PDE4B: variants seen among roughly 807,000 people sequenced by gnomAD.
PDE4B encodes 3',5'-cyclic-AMP phosphodiesterase 4B.
In PDE4B, 20 loss-of-function variants were observed where a neutral mutation model predicts 82.2. The observed-to-expected ratio is 0.24, with a 90% CI of 0.17 to 0.35. The LOEUF (loss-of-function observed/expected upper bound fraction) is 0.35, where lower values mean the gene tolerates loss of function less well. PDE4B is among the 10% of genes least tolerant of loss of function. The pLI, the probability that PDE4B is intolerant of heterozygous loss-of-function variation, is 1.00. For missense variants in PDE4B, 655 were observed against 907.2 expected, an observed-to-expected ratio of 0.72 and a Z score of 3.57; for synonymous variants, 320 against 318.9, an observed-to-expected ratio of 1.00 and a Z score of -0.04.
chr1:66,082,558 C>G (rs747640133), intron 3 of PDE4B, among the ~76,000 whole-genome samples: 23 of 151,700 alleles, frequency 1.5e-4, no homozygotes, highest in Non-Finnish European at 2.5e-4. Context: ...TAAATTGGCT[C>G]AATGTGTTGT....
At chr1:65,796,602 AT>A (rs1345699280) in intron 1 of PDE4B, among the ~76,000 whole-genome samples, 1 of 118,602 alleles carries the variant, frequency 8.4e-6, no homozygotes, top group African/African-American at 3.2e-5. Context: ...GAGACATTCT[AT>A]TTTTTCATTA....
At chr1:66,102,562 G>A (rs753295518) in intron 3 of PDE4B, among the ~76,000 whole-genome samples, 4 of 151,984 alleles carry the variant, frequency 2.6e-5, no homozygotes, top group Admixed American at 6.6e-5. Context: ...AAAAATCCCC[G>A]GGGCTATTCT....
At chr1:66,279,476 T>A (rs1042111461) in intron 7 of PDE4B, among the ~76,000 whole-genome samples, 1 of 152,074 alleles carries the variant, frequency 6.6e-6, no homozygotes, top group Non-Finnish European at 1.5e-5. Flanking sequence ...ATACAAAAAA[T>A]TAGCCAGATG....
At chr1:65,833,022 A>C (rs140878025) in intron 1 of PDE4B, among the ~76,000 whole-genome samples, 1 of 152,310 alleles carries the variant, frequency 6.6e-6, no homozygotes, top group Non-Finnish European at 1.5e-5. Flanking sequence ...AGCAAAGTGA[A>C]CAATGTTATC....
At chr1:66,190,815 G>C (rs1308684034) in intron 3 of PDE4B, among the ~76,000 whole-genome samples, 1 of 152,032 alleles carries the variant, frequency 6.6e-6, no homozygotes, top group East Asian at 1.9e-4. Context: ...CCCTGCTTTG[G>C]CTCATACTCG....
chr1:66,174,452 C>G (rs1398151576), intron 3 of PDE4B, among the ~76,000 whole-genome samples: 2 of 152,094 alleles, frequency 1.3e-5, no homozygotes, highest in African/African-American at 2.4e-5. Flanking sequence ...CATCCATTCT[C>G]ACACTGCTAT....
chr1:66,189,166 C>G (rs565409810), intron 3 of PDE4B, among the ~76,000 whole-genome samples: 40 of 152,202 alleles, frequency 2.6e-4, no homozygotes, highest in Middle Eastern at 3.4e-3. Flanking sequence ...TTGGCCCCCA[C>G]TCTCTGCTGG....
chr1:66,290,740 A>T (rs1657013024), intron 7 of PDE4B, among the ~76,000 whole-genome samples: 1 of 152,176 alleles, frequency 6.6e-6, no homozygotes, highest in Non-Finnish European at 1.5e-5. Flanking sequence ...CTAGTATGCT[A>T]GCACTTTATG....
intron 3 of PDE4B, among the ~76,000 whole-genome samples, chr1:66,070,223 T>C (rs1469578856): frequency 6.6e-6 from 1 of 151,994 alleles, no homozygotes; most frequent in Non-Finnish European, 1.5e-5. Context: ...TTGAGCTAGA[T>C]TGATTAATGT....
chr1:66,090,576 C>T (rs994557206), intron 3 of PDE4B, among the ~76,000 whole-genome samples: 4 of 137,266 alleles, frequency 2.9e-5, no homozygotes, highest in Non-Finnish European at 6.1e-5. Flanking sequence ...ACAAACTCCC[C>T]GAGGTCTTAG....
rs374450385 is a variant in PDE4B, at chr1:66,000,428, G to C, written c.281+81593G>C. On this transcript the variant is annotated intron_variant, in intron 3 of 16. Coordinates refer to ENST00000341517, the MANE Select transcript of PDE4B (RefSeq NM_002600.4). Reference sequence around the variant, plus strand: ...CTTGGAAGTAAGAAGTCTATGACTTGCAGAGTGAGGAAATTGCAAGTTAAT... The same window carrying C: ...CTTGGAAGTAAGAAGTCTATGACTTCCAGAGTGAGGAAATTGCAAGTTAAT... 2.4e-4 allele frequency among the ~76,000 whole-genome samples: 36 copies of C among 152,302 alleles called. No individual in the cohort carries two copies. The East Asian group carries it at 4.4e-3, about 19-fold the overall frequency.
At chr1:66,153,656 C>G (rs891622917) in intron 3 of PDE4B, among the ~76,000 whole-genome samples, 1 of 152,124 alleles carries the variant, frequency 6.6e-6, no homozygotes, top group Non-Finnish European at 1.5e-5. Flanking sequence ...ACTTTATAGC[C>G]CAGTGCGGAA....
intron 1 of PDE4B, among the ~76,000 whole-genome samples, chr1:65,878,245 G>A (rs2100331544): frequency 6.6e-6 from 1 of 152,306 alleles, no homozygotes; most frequent in South Asian, 2.1e-4. Flanking sequence ...ATGCTGGAGA[G>A]GATGTGGAGA....
At chr1:66,269,475 T>C (rs568907086) in intron 7 of PDE4B, among the ~76,000 whole-genome samples, 123 of 151,942 alleles carry the variant, frequency 8.1e-4, no homozygotes, top group African/African-American at 2.9e-3. Context: ...AATTCCAGGC[T>C]CTCCCTACAT....
rs1382336408 is a variant in PDE4B, at chr1:65,848,596, T to C, written c.-71+55348T>C. On this transcript the variant is annotated intron_variant, in intron 1 of 16. Transcript: ENST00000341517. The stretch of plus-strand genomic sequence containing the variant: ...AGCAAACACTGATATGCTATCACCA[T>C]AGATTAATTTTTCTTTCTAAAGTTT... 3.9e-5 allele frequency among the ~76,000 whole-genome samples: 6 copies of C among 152,336 alleles called. No individual in the cohort carries two copies. The East Asian group carries it at 1.2e-3, about 29-fold the overall frequency.
chr1:65,970,376 C>A (rs1177062948), intron 3 of PDE4B, among the ~76,000 whole-genome samples: 4 of 152,090 alleles, frequency 2.6e-5, no homozygotes, highest in African/African-American at 9.6e-5. Context: ...TGGCTTTTTG[C>A]AGAAGAATGA....
At chr1:65,948,699 T>C (rs950005586) in intron 3 of PDE4B, among the ~76,000 whole-genome samples, 14 of 152,074 alleles carry the variant, frequency 9.2e-5, no homozygotes, top group African/African-American at 3.4e-4. Context: ...CAGTATTAAC[T>C]ATCACAGGCA....
At chr1:66,241,615 C>T (rs943295588) in intron 3 of PDE4B, among the ~76,000 whole-genome samples, 1 of 152,068 alleles carries the variant, frequency 6.6e-6, no homozygotes, top group Non-Finnish European at 1.5e-5. Context: ...AAGTGATTCT[C>T]CTGCCTCAGC....
At chr1:66,134,946 T>G (rs1002557735) in intron 3 of PDE4B, among the ~76,000 whole-genome samples, 1 of 152,258 alleles carries the variant, frequency 6.6e-6, no homozygotes, top group Admixed American at 6.5e-5. Context: ...CTATGTCATA[T>G]CATGCATAAT....
Sources: allele counts gnomAD v4.1 joint callset (sites outside exome capture counted in the v4.1 genomes callset), GRCh38; gene constraint gnomAD v4.1.1; transcripts MANE v1.5; gene names NCBI Gene and HGNC (gene_info 2026-07-23, HGNC 2026-07-21).